Variants in MRPL18 observed in about 807,000 individuals in gnomAD.
MRPL18 encodes the protein large ribosomal subunit protein uL18m.
Under a neutral mutation model 20.9 loss-of-function variants are expected in MRPL18, and 16 were observed. That is an observed-to-expected ratio of 0.76 (90% CI 0.52 to 1.16). The LOEUF is 1.16. Ranked by LOEUF, MRPL18 falls within the 50% of genes most tolerant of loss-of-function variation. The pLI is 0.00. For missense variants in MRPL18, 233 were observed against 230.6 expected, an observed-to-expected ratio of 1.01 and a Z score of -0.07; for synonymous variants, 91 against 87.1, an observed-to-expected ratio of 1.04 and a Z score of -0.25.
At chr6:159,796,479 CAA>C (rs1017181744) in intron 2 of MRPL18, among the ~76,000 whole-genome samples, 18 of 120,072 alleles carry the variant, frequency 1.5e-4, no homozygotes, top group East Asian at 2.4e-4. Flanking sequence ...GACCCTGTCT[CAA>C]AAAAAAAAAA....
chr6:159,793,649 T>C (rs910848973), intron 2 of MRPL18, among the ~76,000 whole-genome samples: 22 of 152,028 alleles, frequency 1.4e-4, no homozygotes, highest in African/African-American at 4.8e-4. Flanking sequence ...GTGGCTCACG[T>C]TTGTAATCCC....
chr6:159,792,997 T>C (rs1780939972), intron 2 of MRPL18, among the ~76,000 whole-genome samples: 1 of 149,848 alleles, frequency 6.7e-6, no homozygotes, highest in African/African-American at 2.4e-5. Context: ...TTTTTTTTTT[T>C]CTGGTATTTT....
intron 2 of MRPL18, among the ~76,000 whole-genome samples, chr6:159,796,149 T>A (rs1467678834): frequency 3.2e-5 from 4 of 126,498 alleles, no homozygotes; most frequent in East Asian, 4.1e-4. Flanking sequence ...TTTTTTTTTT[T>A]AACCATGCAG....
chr6:159,793,061 G>A (rs35756460), intron 2 of MRPL18, among the ~76,000 whole-genome samples: 71,528 of 151,148 alleles, frequency 0.47, 17,951 homozygotes, highest in Non-Finnish European at 0.55. Flanking sequence ...TCTTGAGCTC[G>A]AGAGATCTGC....
At chr6:159,797,579 C>G in intron 3 of MRPL18, 61 bp downstream of exon 3, 1 of 1,473,508 alleles carries the variant, frequency 6.8e-7, no homozygotes, top group Non-Finnish European at 9.4e-7. Flanking sequence ...CATTAGATAA[C>G]TTACATAATA....
intron 2 of MRPL18, among the ~76,000 whole-genome samples, chr6:159,793,636 G>C (rs370989260): frequency 6.6e-6 from 1 of 152,124 alleles, no homozygotes; most frequent in Non-Finnish European, 1.5e-5. Flanking sequence ...TTGGCCGGGC[G>C]CGGTGGCTCA....
rs1780849585 is a variant in MRPL18, at chr6:159,790,598, G to A, written c.11G>A (p.Arg4Gln). Residue 4 changes from arginine to glutamine, a missense_variant, in exon 1 of 4, where the codon CGG becomes CAG. Transcript: ENST00000367034. ...GAGATCGTCTCAGCGATGGCGCTTC[G>A]GTCGCGGTTTTGGGGGTTGTTCTCG... MAL[R>Q]SRFWGLFSVC... The A allele has an allele frequency of 6.5e-7, 1 of 1,546,452 alleles. No individual in the cohort carries two copies. Among genetic ancestry groups the A allele is most frequent in the Non-Finnish European group, 8.7e-7 (1 of 1,145,810 alleles).
intron 2 of MRPL18, among the ~76,000 whole-genome samples, chr6:159,793,866 C>T (rs58849716): frequency 7.9e-5 from 12 of 151,590 alleles, no homozygotes; most frequent in East Asian, 1.9e-4. Context: ...GAGCCGAGAT[C>T]GCGCCACTGC....
upstream of MRPL18, chr6:159,790,061 G>T (rs1019891302): frequency 6.2e-5 from 11 of 177,646 alleles, no homozygotes; most frequent in African/African-American, 2.3e-5. Context: ...CCTCAGGAGT[G>T]TAAGTTTAAG....
chr6:159,791,152 A>G, intron 2 of MRPL18, 26 bp downstream of exon 2: 1 of 1,613,000 alleles, frequency 6.2e-7, no homozygotes, highest in South Asian at 1.1e-5. Flanking sequence ...TGTGATTGAC[A>G]AGGGCAGTGC....
chr6:159,795,130 C>T (rs1780997253), intron 2 of MRPL18, among the ~76,000 whole-genome samples: 1 of 152,236 alleles, frequency 6.6e-6, no homozygotes, highest in African/African-American at 2.4e-5. Flanking sequence ...GGCGGTTTTT[C>T]CCTAACTCAG....
chr6:159,791,670 C>T lies in MRPL18; in HGVS notation c.239+544C>T, dbSNP rs76641577. On this transcript the variant is annotated intron_variant, in intron 2 of 3. Coordinates refer to ENST00000367034, the MANE Select transcript of MRPL18 (RefSeq NM_014161.5). Reference sequence around the variant, plus strand: ...AATCCCAGCACTTTAGGGAGCCAGCCGAAGAAGCCGGATCATCTGAGGTCA... The same window carrying T: ...AATCCCAGCACTTTAGGGAGCCAGCTGAAGAAGCCGGATCATCTGAGGTCA... Among the ~76,000 whole-genome samples the T allele has an allele frequency of 6.9e-3, 1,049 of 152,196 alleles. 10 individuals are homozygous for T. The highest frequency in any genetic ancestry group is 0.023 in the African/African-American group (962 of 41,508).
intron 3 of MRPL18, 63 bp from the exon 4 acceptor site, chr6:159,797,989 A>T: frequency 1.5e-6 from 2 of 1,357,680 alleles, no homozygotes; most frequent in Non-Finnish European, 2.1e-6. Flanking sequence ...AGGTGAAAGT[A>T]TTTTCAGCCT....
chr6:159,798,116 A>T lies in MRPL18; in HGVS notation c.536A>T (p.Tyr179Phe), dbSNP rs201671367. 1.9e-6 allele frequency: 3 copies of T among 1,611,132 alleles called. No individual in the cohort carries two copies. The highest frequency in any genetic ancestry group is 8.5e-7 in the Non-Finnish European group (1 of 1,177,446). The change falls in exon 4 of 4, where the codon TAT (tyrosine) becomes TTT (phenylalanine). Residue 179 changes from tyrosine to phenylalanine, a missense_variant. Transcript: ENST00000367034. ...GTTCTACGGGAACCTCAGAGAATCT[A>T]TGAATAAATGGAAGCATTAATTGTT... is the stretch of plus-strand genomic sequence containing the variant. ...GVVLREPQRI[Y>F]E
At chr6:159,790,393 A>C, upstream of MRPL18, 1 of 674,052 alleles carries the variant, frequency 1.5e-6, no homozygotes, top group South Asian at 1.8e-5. Context: ...TTGGCGATGA[A>C]GGATAACAGA....
chr6:159,795,540 C>T (rs1233127010), intron 2 of MRPL18, among the ~76,000 whole-genome samples: 3 of 152,202 alleles, frequency 2.0e-5, no homozygotes, highest in Admixed American at 6.5e-5. Context: ...TTTGACACAG[C>T]ACGTATTTCA....
At chr6:159,796,753 C>T (rs926615966) in intron 2 of MRPL18, among the ~76,000 whole-genome samples, 2 of 151,994 alleles carry the variant, frequency 1.3e-5, no homozygotes, top group Non-Finnish European at 2.9e-5. Flanking sequence ...TGCTGTACTC[C>T]GAGCTGGGTG....
At chr6:159,797,860 T>C (rs1781074463) in intron 3 of MRPL18, among the ~76,000 whole-genome samples, 192 bp from the exon 4 acceptor site, 1 of 152,234 alleles carries the variant, frequency 6.6e-6, no homozygotes, top group Non-Finnish European at 1.5e-5. Flanking sequence ...GAAATGCTGC[T>C]GAACCTTGAC....
intron 2 of MRPL18, among the ~76,000 whole-genome samples, chr6:159,796,011 C>T (rs1256573517): frequency 2.0e-5 from 3 of 152,084 alleles, no homozygotes; most frequent in Non-Finnish European, 4.4e-5. Flanking sequence ...TCTTGAACTC[C>T]TTGGCTCTAG....
Sources: gnomAD v4.1 joint callset for allele counts (sites outside exome capture counted in the v4.1 genomes callset) on GRCh38, gnomAD v4.1.1 for gene constraint, MANE v1.5 for transcripts, NCBI Gene and HGNC (gene_info 2026-07-23, HGNC 2026-07-21) for gene names.